Variants in MEI4 observed in about 807,000 individuals in gnomAD.
MEI4 encodes meiosis-specific protein MEI4.
A neutral mutation model predicts 31.4 loss-of-function variants in MEI4; 27 were observed. The ratio of observed to expected loss-of-function variants is 0.86; its 90% CI spans 0.63 to 1.19. The LOEUF is 1.19. Among genes scored for constraint, MEI4 ranks in the 50% most tolerant of loss-of-function variants. The probability of loss-of-function intolerance (pLI) is 0.00; values close to 1 mark genes in which losing one functional copy is unlikely to be tolerated. For synonymous variants in MEI4, 122 were observed against 145.4 expected (o/e 0.84, Z 1.16); for missense variants, 329 against 398.9 (o/e 0.82, Z 1.49).
chr6:77,923,439 T>C lies in MEI4; in HGVS notation c.*93T>C. The stretch of plus-strand genomic sequence containing the variant: ...AAAAGATTTTCAATAGTATTTTAAT[T>C]AGCATTTTAGAATTGATCTCTAAAT... On this transcript the variant is annotated 3_prime_UTR_variant, in exon 5 of 5. Transcript: ENST00000684080. The C allele has an allele frequency of 1.0e-6, 1 of 964,816 alleles. No homozygotes were observed. Among genetic ancestry groups the C allele is most frequent in the Non-Finnish European group, 1.3e-6 (1 of 746,370 alleles). 59.8% of individuals were successfully genotyped at this position (964,816 alleles called of 1,614,324 possible). A position where few individuals can be genotyped will look rare whatever the true frequency, so the allele number is the denominator to read the frequency against.
At chr6:77,681,172 G>A (rs1768950761) in intron 1 of MEI4, among the ~76,000 whole-genome samples, 1 of 152,050 alleles carries the variant, frequency 6.6e-6, no homozygotes, top group Admixed American at 6.6e-5. Context: ...ACCTCTCTCA[G>A]TTGTCTCTTC....
chr6:77,755,261 T>A (rs1171747749), intron 2 of MEI4, among the ~76,000 whole-genome samples: 1 of 152,116 alleles, frequency 6.6e-6, no homozygotes, highest in Non-Finnish European at 1.5e-5. Context: ...ATACTTGAGA[T>A]CCACTCTAAA....
intron 2 of MEI4, among the ~76,000 whole-genome samples, chr6:77,730,669 C>G (rs982801897): frequency 4.0e-5 from 6 of 151,734 alleles, no homozygotes; most frequent in Admixed American, 3.3e-4. Flanking sequence ...GGTACACGTG[C>G]ACAATGTGCA....
At chr6:77,825,552 G>A (rs1227565582) in intron 3 of MEI4, among the ~76,000 whole-genome samples, 2 of 152,256 alleles carry the variant, frequency 1.3e-5, no homozygotes, top group African/African-American at 2.4e-5. Context: ...GGTGCCCACC[G>A]TCCCTTCTTG....
At chr6:77,805,355 C>G (rs1463370301) in intron 3 of MEI4, among the ~76,000 whole-genome samples, 1 of 152,066 alleles carries the variant, frequency 6.6e-6, no homozygotes, top group African/African-American at 2.4e-5. Context: ...CATGAGCTTT[C>G]CAGCCTCCCA....
intron 3 of MEI4, among the ~76,000 whole-genome samples, chr6:77,779,114 G>C (rs9448212): frequency 0.031 from 4,787 of 152,230 alleles, 242 homozygotes; most frequent in African/African-American, 0.11. Flanking sequence ...GAAAGAGGAG[G>C]ACCTAGTACT....
At chr6:77,743,212 A>T (rs9341689) in intron 2 of MEI4, among the ~76,000 whole-genome samples, 1 of 151,960 alleles carries the variant, frequency 6.6e-6, no homozygotes, top group Admixed American at 6.5e-5. Flanking sequence ...TACCTTGGGC[A>T]GTATGGCCAT....
At chr6:77,817,523 G>A (rs1410129057) in intron 3 of MEI4, among the ~76,000 whole-genome samples, 1 of 151,990 alleles carries the variant, frequency 6.6e-6, no homozygotes, top group Non-Finnish European at 1.5e-5. Context: ...ATAAATCTGT[G>A]TCATCTCAAA....
intron 3 of MEI4, among the ~76,000 whole-genome samples, chr6:77,816,534 C>T (rs1275191073): frequency 2.6e-5 from 4 of 152,142 alleles, no homozygotes. Context: ...TTAATCCAGT[C>T]TATCATTGAT....
At chr6:77,754,932 TACAG>T (rs1184109505) in intron 2 of MEI4, among the ~76,000 whole-genome samples, 1 of 152,132 alleles carries the variant, frequency 6.6e-6, no homozygotes, top group East Asian at 1.9e-4. Flanking sequence ...ATGTGGGTAT[TACAG>T]TTTGAGATGA....
intron 4 of MEI4, among the ~76,000 whole-genome samples, chr6:77,844,541 A>G (rs1296187868): frequency 3.3e-5 from 5 of 152,178 alleles, no homozygotes; most frequent in African/African-American, 1.2e-4. Context: ...TATCAATTCA[A>G]AAGTTTTTAT....
chr6:77,765,804 T>G (rs937559084), intron 3 of MEI4, among the ~76,000 whole-genome samples: 4 of 149,418 alleles, frequency 2.7e-5, no homozygotes, highest in African/African-American at 1.0e-4. Flanking sequence ...CCAACAATGA[T>G]AGACTGGATT....
At chr6:77,744,067 C>T (rs972870189) in intron 2 of MEI4, among the ~76,000 whole-genome samples, 1 of 152,282 alleles carries the variant, frequency 6.6e-6, no homozygotes, top group South Asian at 2.1e-4. Context: ...AGCACCTCTC[C>T]TCCTCCAAAG....
In MEI4 at chr6:77,742,116, G is replaced by A. The variant is rs189940116; in HGVS notation, c.233-19014G>A. 7.8e-4 allele frequency among the ~76,000 whole-genome samples: 118 copies of A among 152,156 alleles called. No individual in the cohort carries two copies. In the East Asian group the frequency reaches 0.019, roughly 25 times the overall value. On this transcript the variant is annotated intron_variant, in intron 2 of 4. Transcript: ENST00000684080. ...TGTCTTTATAGCAGCATGATTTATA[G>A]TCCTTTGGGGTATATACCCAGTAGT...
chr6:77,655,536 C>A (rs777972831), intron 1 of MEI4, among the ~76,000 whole-genome samples: 1 of 152,100 alleles, frequency 6.6e-6, no homozygotes, highest in South Asian at 2.1e-4. Context: ...GTCTTGGATG[C>A]GGGCTTTTTT....
intron 2 of MEI4, among the ~76,000 whole-genome samples, chr6:77,751,041 C>G (rs1767758749): frequency 6.6e-6 from 1 of 152,034 alleles, no homozygotes; most frequent in Non-Finnish European, 1.5e-5. Context: ...GAAATGAAGG[C>G]AGAAATAAAG....
At chr6:77,783,052 G>T (rs952463509) in intron 3 of MEI4, among the ~76,000 whole-genome samples, 4 of 152,116 alleles carry the variant, frequency 2.6e-5, no homozygotes, top group African/African-American at 9.7e-5. Context: ...TTAACCTTCT[G>T]CATGCTCAAG....
intron 3 of MEI4, among the ~76,000 whole-genome samples, chr6:77,775,535 T>A (rs1474647274): frequency 6.6e-6 from 1 of 152,094 alleles, no homozygotes; most frequent in Non-Finnish European, 1.5e-5. Context: ...TATGGCTGTG[T>A]GGTATTTCAT....
intron 2 of MEI4, among the ~76,000 whole-genome samples, chr6:77,720,728 C>T (rs1188304186): frequency 1.7e-5 from 1 of 58,308 alleles, no homozygotes; most frequent in Non-Finnish European, 3.1e-5. Context: ...AGTTCTTGTG[C>T]TTTTATGAGT....
Sources: allele counts gnomAD v4.1 joint callset (sites outside exome capture counted in the v4.1 genomes callset), GRCh38; gene constraint gnomAD v4.1.1; transcripts MANE v1.5; gene names NCBI Gene and HGNC (gene_info 2026-07-23, HGNC 2026-07-21).